Variants in MCEMP1 observed in about 807,000 individuals in gnomAD.
The protein encoded by MCEMP1 is mast cell expressed membrane protein 1, also known as mast cell-expressed membrane protein 1.
In MCEMP1, 17 loss-of-function variants were observed where a neutral mutation model predicts 27.9. The observed-to-expected ratio is 0.61, with a 90% confidence interval of 0.42 to 0.91. The LOEUF (loss-of-function observed/expected upper bound fraction) is 0.91. MCEMP1 is among the 40% of genes least tolerant of loss of function. The pLI, the probability that MCEMP1 is intolerant of heterozygous loss-of-function variation, is 0.00. For missense variants in MCEMP1, 200 were observed against 204.8 expected, an observed-to-expected ratio of 0.98 and a Z score of 0.14; for synonymous variants, 88 against 76.9, an observed-to-expected ratio of 1.14 and a Z score of -0.76.
Position 7,678,897 on chromosome 19 carries a change from T to TTGCCCCCCCCC in MCEMP1, c.449-27_449-26insTGCCCCCCCCC. The stretch of plus-strand genomic sequence containing the variant: ...CTCCACCGCAGCTTGACTTATCTGT[T>TTGCCCCCCCCC]CCCACCCAACCCTCCCCGCCCCCTA... On this transcript the variant is annotated intron_variant, in intron 5 of 6. Coordinates refer to ENST00000333598, the MANE Select transcript of MCEMP1 (RefSeq NM_174918.3). This position sits in a 1 kb window ranked among gnomAD's most constrained non-coding sequence, Gnocchi z 4.8. 1 of 993,960 alleles carries TTGCCCCCCCCC rather than the reference T, an allele frequency of 1.0e-6. No homozygotes were observed. Among genetic ancestry groups the TTGCCCCCCCCC allele is most frequent in the Non-Finnish European group, 1.6e-6 (1 of 644,790 alleles). The allele number at this position is 993,960 out of a possible 1,614,324, so 61.6% of individuals were successfully genotyped here.
In MCEMP1 at chr19:7,678,772, A is replaced by G. The variant is rs961242152; in HGVS notation, c.449-152A>G. 2.8e-6 allele frequency: 3 copies of G among 1,085,480 alleles called. No individual in the cohort carries two copies. The African/African-American group carries it at 4.8e-5, about 17-fold the overall frequency. The allele number at this position is 1,085,480 out of a possible 1,614,324, so 67.2% of individuals were successfully genotyped here. A position where few individuals can be genotyped will look rare whatever the true frequency, so the allele number is the denominator to read the frequency against. On this transcript the variant is annotated intron_variant, in intron 5 of 6. Transcript: ENST00000333598. This position sits in a 1 kb window ranked among gnomAD's most constrained non-coding sequence, Gnocchi z 4.8. ...ATCTGGGTTGCTCTGTGGGTATTGA[A>G]AGGCTCCTGGGAACCCCAAATCCAT...
rs769652201 is a variant in MCEMP1, at chr19:7,678,591, G to C, written c.435G>C (p.Glu145Asp). The change falls in exon 5 of 7, where the codon GAG (glutamate) becomes GAC (aspartate). Residue 145 changes from glutamate (E) to aspartate (D), a missense_variant. Physicochemically the swap from Glu to Asp is conservative, Grantham distance 45 (BLOSUM62 2). Coordinates refer to ENST00000333598, the MANE Select transcript of MCEMP1 (RefSeq NM_174918.3). This position sits in a 1 kb window ranked among gnomAD's most constrained non-coding sequence, Gnocchi z 4.8. ...TMVRSKIDRL[E>D]TTLAGIKNID... ...TCAGGAGCAAGATTGATAGATTAGA[G>C]ACGACATTAGCAGGTGCCTGTGTAG... The C allele has an allele frequency of 2.5e-6, 4 of 1,613,608 alleles. No individual in the cohort carries two copies. In the Admixed American group the frequency reaches 6.7e-5, roughly 27 times the overall value.
In MCEMP1 at chr19:7,677,575, A is replaced by G; in HGVS notation, c.56-62A>G. Reference sequence around the variant, plus strand: ...TATTGAGTGCAAAGGGTTGGGTAAAACAAGATCCCGGATCCACTCTCCACA... The same window carrying G: ...TATTGAGTGCAAAGGGTTGGGTAAAGCAAGATCCCGGATCCACTCTCCACA... On this transcript the variant is annotated intron_variant, in intron 1 of 6. Coordinates refer to ENST00000333598, the MANE Select transcript of MCEMP1 (RefSeq NM_174918.3). The surrounding 1 kb of genome is among the most constrained non-coding windows in gnomAD (Gnocchi z 4.6). 4 of 1,478,274 alleles carry G rather than the reference A, an allele frequency of 2.7e-6. No homozygotes were observed. Among genetic ancestry groups the G allele is most frequent in the Middle Eastern group, 1.7e-4 (1 of 5,812 alleles). The allele number at this position is 1,478,274 out of a possible 1,614,324, so 91.6% of individuals were successfully genotyped here.
rs192927372 is a variant in MCEMP1, at chr19:7,679,480, G to A, written c.*366G>A. 2.4e-4 allele frequency: 63 copies of A among 266,196 alleles called. No homozygotes were observed. Among genetic ancestry groups the A allele is most frequent in the African/African-American group, 1.2e-3 (54 of 45,070 alleles). The allele number at this position is 266,196 out of a possible 1,614,324, so 16.5% of individuals were successfully genotyped here. A position where few individuals can be genotyped will look rare whatever the true frequency, so the allele number is the denominator to read the frequency against. On this transcript the variant is annotated 3_prime_UTR_variant, in exon 7 of 7. Coordinates refer to ENST00000333598, the MANE Select transcript of MCEMP1 (RefSeq NM_174918.3). This position sits in a 1 kb window ranked among gnomAD's most constrained non-coding sequence, Gnocchi z 4.9. ...GTGTCATGTGACATATGTGAGTCTCGGCATGTCACGGTGGGTGGCTGTGTC... is the reference window on the plus strand; with the variant it reads ...GTGTCATGTGACATATGTGAGTCTCAGCATGTCACGGTGGGTGGCTGTGTC...
Position 7,679,130 on chromosome 19 carries a change from G to A in MCEMP1, c.*16G>A, listed in dbSNP as rs2032590601. The A allele has an allele frequency of 6.3e-7, 1 of 1,588,550 alleles. No individual in the cohort carries two copies. The highest frequency in any genetic ancestry group is 2.3e-5 in the East Asian group (1 of 44,288). ...ACCTCAATAAATGAGAGGACATTGT[G>A]GCAGCCAAAGCCACAACTTGGAAGA... On this transcript the variant is annotated 3_prime_UTR_variant, in exon 7 of 7. Coordinates refer to ENST00000333598, the MANE Select transcript of MCEMP1 (RefSeq NM_174918.3). The surrounding 1 kb of genome is among the most constrained non-coding windows in gnomAD (Gnocchi z 4.9).
chr19:7,677,811 G>A lies in MCEMP1; in HGVS notation c.145+85G>A. The A allele has an allele frequency of 7.7e-7, 1 of 1,299,704 alleles. No individual in the cohort carries two copies. The highest frequency in any genetic ancestry group is 2.5e-5 in the Admixed American group (1 of 40,174). 80.5% of individuals were successfully genotyped at this position (1,299,704 alleles called of 1,614,324 possible). A position where few individuals can be genotyped will look rare whatever the true frequency, so the allele number is the denominator to read the frequency against. On this transcript the variant is annotated intron_variant, in intron 2 of 6. Transcript: ENST00000333598. The surrounding 1 kb of genome is among the most constrained non-coding windows in gnomAD (Gnocchi z 4.6). ...AACTGCAGGGCCCCCGGGGCTGCGTGGAAGGGAGGAAGCGATGGGGAAGGA... is the reference window on the plus strand; with the variant it reads ...AACTGCAGGGCCCCCGGGGCTGCGTAGAAGGGAGGAAGCGATGGGGAAGGA...
Position 7,678,078 on chromosome 19 carries a change from G to A in MCEMP1, c.146-26G>A. On this transcript the variant is annotated intron_variant, in intron 2 of 6. Transcript: ENST00000333598. This position sits in a 1 kb window ranked among gnomAD's most constrained non-coding sequence, Gnocchi z 4.8. ...TGAGTGGTGGTGCTGGCCCCTCAAGGTCACTTTGCTGCCTCTTTGCTCCAG... is the reference window on the plus strand; with the variant it reads ...TGAGTGGTGGTGCTGGCCCCTCAAGATCACTTTGCTGCCTCTTTGCTCCAG... 1 of 1,568,326 alleles carries A rather than the reference G, an allele frequency of 6.4e-7. No individual in the cohort carries two copies. Among genetic ancestry groups the A allele is most frequent in the Non-Finnish European group, 8.6e-7 (1 of 1,160,186 alleles).
chr19:7,678,230 T>G lies in MCEMP1; in HGVS notation c.272T>G (p.Ile91Ser). Reference sequence around the variant, plus strand: ...CTCTGCATCATCCTGTCAGCCTTCATCATGGTGAAGAGTGAGTACTTCTTG... The same window carrying G: ...CTCTGCATCATCCTGTCAGCCTTCAGCATGGTGAAGAGTGAGTACTTCTTG... ...FVLCIILSAF[I>S]MVKNAEMSKE... The change falls in exon 3 of 7, where the codon ATC becomes AGC. Residue 91 changes from isoleucine to serine, a missense_variant. By Grantham distance (142) the Ile-to-Ser change is moderately radical. Transcript: ENST00000333598. The surrounding 1 kb of genome is among the most constrained non-coding windows in gnomAD (Gnocchi z 4.8). 6.2e-7 allele frequency: 1 copy of G among 1,614,062 alleles called. No individual in the cohort carries two copies. The highest frequency in any genetic ancestry group is 2.2e-5 in the East Asian group (1 of 44,882).
At position 7,678,634 on chromosome 19, in the gene MCEMP1, G is replaced by T. The variant is rs936648983; in HGVS notation, c.448+30G>T. The stretch of plus-strand genomic sequence containing the variant: ...CTGTGTAGTCTCGCCTTCTATGGGG[G>T]TTATTTGTCACCAATGCCCGGAGCT... On this transcript the variant is annotated intron_variant, in intron 5 of 6. Transcript: ENST00000333598. The surrounding 1 kb of genome is among the most constrained non-coding windows in gnomAD (Gnocchi z 4.8). The T allele has an allele frequency of 1.7e-4, 271 of 1,578,298 alleles. No individual in the cohort carries two copies. The highest frequency in any genetic ancestry group is 9.5e-4 in the Admixed American group (56 of 59,000).
Position 7,678,599 on chromosome 19 carries a change from T to C in MCEMP1, c.443T>C (p.Leu148Ser), listed in dbSNP as rs752831986. ...RSKIDRLETT[L>S]AGIKNIDTKV... The stretch of plus-strand genomic sequence containing the variant: ...AAGATTGATAGATTAGAGACGACAT[T>C]AGCAGGTGCCTGTGTAGTCTCGCCT... The change falls in exon 5 of 7, where the codon TTA becomes TCA. Residue 148 changes from leucine (L) to serine (S), a missense_variant. Transcript: ENST00000333598. This position sits in a 1 kb window ranked among gnomAD's most constrained non-coding sequence, Gnocchi z 4.8. 1.2e-6 allele frequency: 2 copies of C among 1,612,508 alleles called. No individual in the cohort carries two copies. Among genetic ancestry groups the C allele is most frequent in the South Asian group, 2.2e-5 (2 of 91,042 alleles).
rs369386747 is a variant in MCEMP1 at position 7,678,441 on chromosome 19, G to A, written c.334+41G>A. 3.9e-4 allele frequency: 629 copies of A among 1,613,958 alleles called. 8 individuals carry two copies. In the South Asian group the frequency reaches 6.3e-3, roughly 16 times the overall value. On this transcript the variant is annotated intron_variant, in intron 4 of 6. Transcript: ENST00000333598. This position sits in a 1 kb window ranked among gnomAD's most constrained non-coding sequence, Gnocchi z 4.8. ...GAGGGAGACCCGTGGGGTCATGGTG[G>A]GGGTCTGGAGAGGGATGGATGCACA...
chr19:7,677,249 G>A lies in MCEMP1; in HGVS notation c.55+74G>A, dbSNP rs1318701142. 1.0e-5 allele frequency: 14 copies of A among 1,357,230 alleles called. No homozygotes were observed. The highest frequency in any genetic ancestry group is 1.3e-5 in the Non-Finnish European group (13 of 973,334). The allele number at this position is 1,357,230 out of a possible 1,614,324, so 84.1% of individuals were successfully genotyped here. ...GGGCCGGGGGCTTTTGCTCATGTCT[G>A]TAATCCTAGCACTTTGGGAGGCTGA... On this transcript the variant is annotated intron_variant, in intron 1 of 6. Transcript: ENST00000333598. This position sits in a 1 kb window ranked among gnomAD's most constrained non-coding sequence, Gnocchi z 4.6.
rs1380733143 is a variant in MCEMP1 at position 7,678,682 on chromosome 19, G to A, written c.448+78G>A. The A allele has an allele frequency of 7.0e-7, 1 of 1,424,104 alleles. No homozygotes were observed. Among genetic ancestry groups the A allele is most frequent in the South Asian group, 1.2e-5 (1 of 83,720 alleles). The allele number at this position is 1,424,104 out of a possible 1,614,324, so 88.2% of individuals were successfully genotyped here. On this transcript the variant is annotated intron_variant, in intron 5 of 6. Coordinates refer to ENST00000333598, the MANE Select transcript of MCEMP1 (RefSeq NM_174918.3). This position sits in a 1 kb window ranked among gnomAD's most constrained non-coding sequence, Gnocchi z 4.8. ...GCTGAGCTGGGGGCAGGGGATTCAGGGGAGGAGAAAGCCGGGGTCCTACCC... is the reference window on the plus strand; with the variant it reads ...GCTGAGCTGGGGGCAGGGGATTCAGAGGAGGAGAAAGCCGGGGTCCTACCC...
chr19:7,678,375 G>A lies in MCEMP1; in HGVS notation c.309G>A (p.Leu103=). Residue 103 remains leucine (L), a synonymous_variant, in exon 4 of 7, where the codon CTG becomes CTA. Coordinates refer to ENST00000333598, the MANE Select transcript of MCEMP1 (RefSeq NM_174918.3). This position sits in a 1 kb window ranked among gnomAD's most constrained non-coding sequence, Gnocchi z 4.8. The stretch of plus-strand genomic sequence containing the variant: ...ATGCTGAGATGTCCAAGGAGCTGCT[G>A]GGCTTTAAAAGGGAGCTTTGGAATG... The part of the protein sequence containing the change: ...VKNAEMSKEL[L]GFKRELWNVS... 1.2e-6 allele frequency: 2 copies of A among 1,614,064 alleles called. No individual in the cohort carries two copies. The highest frequency in any genetic ancestry group is 1.1e-5 in the South Asian group (1 of 91,086).
chr19:7,678,523 C>G lies in MCEMP1; in HGVS notation c.367C>G (p.Gln123Glu), dbSNP rs750404151. The G allele has an allele frequency of 1.2e-6, 2 of 1,614,122 alleles. No homozygotes were observed. The highest frequency in any genetic ancestry group is 1.7e-6 in the Non-Finnish European group (2 of 1,180,026). ...CTCCGTACAAGCATGCGAAGAGAGA[C>G]AGAAGAGAGGCTGGGATTCCGTTCA... ...SNSVQACEER[Q>E]KRGWDSVQQS... The change falls in exon 5 of 7, where the codon CAG becomes GAG. Residue 123 changes from glutamine to glutamate, a missense_variant. Coordinates refer to ENST00000333598, the MANE Select transcript of MCEMP1 (RefSeq NM_174918.3). The surrounding 1 kb of genome is among the most constrained non-coding windows in gnomAD (Gnocchi z 4.8).
Position 7,678,156 on chromosome 19 carries a change from G to A in MCEMP1, c.198G>A (p.Leu66=), listed in dbSNP as rs1293518647. The change falls in exon 3 of 7, where the codon TTG becomes TTA. Residue 66 remains leucine (L), a synonymous_variant. Transcript: ENST00000333598. The surrounding 1 kb of genome is among the most constrained non-coding windows in gnomAD (Gnocchi z 4.8). ...ACTCCACCCAGGTCCCCTGCTGGTTGTACAGAGCCATCCTGAGCCTGTACA... is the reference window on the plus strand; with the variant it reads ...ACTCCACCCAGGTCCCCTGCTGGTTATACAGAGCCATCCTGAGCCTGTACA... ...PSDSTQVPCW[L]YRAILSLYIL... The A allele has an allele frequency of 3.1e-6, 5 of 1,613,854 alleles. No individual in the cohort carries two copies. Among genetic ancestry groups the A allele is most frequent in the Non-Finnish European group, 4.2e-6 (5 of 1,179,924 alleles).
Position 7,677,191 on chromosome 19 carries a change from G to A in MCEMP1, c.55+16G>A, listed in dbSNP as rs1285267591. 6 of 1,567,674 alleles carry A rather than the reference G, an allele frequency of 3.8e-6. 1 individual carries two copies. Among genetic ancestry groups the A allele is most frequent in the Non-Finnish European group, 5.2e-6 (6 of 1,154,524 alleles). ...AAGAATCAAGGTTAGGGAACTCGAG[G>A]TGGAAGGGAGGGGTTAAGAAGGAGA... On this transcript the variant is annotated intron_variant, in intron 1 of 6. Coordinates refer to ENST00000333598, the MANE Select transcript of MCEMP1 (RefSeq NM_174918.3). The surrounding 1 kb of genome is among the most constrained non-coding windows in gnomAD (Gnocchi z 4.6).
In MCEMP1 at chr19:7,678,044, A is replaced by G. The variant is rs1337251002; in HGVS notation, c.146-60A>G. On this transcript the variant is annotated intron_variant, in intron 2 of 6. Coordinates refer to ENST00000333598, the MANE Select transcript of MCEMP1 (RefSeq NM_174918.3). The surrounding 1 kb of genome is among the most constrained non-coding windows in gnomAD (Gnocchi z 4.8). Reference sequence around the variant, plus strand: ...GGTGTCCATGGTGTTAGAGACAGTGAGGATGGTTTGAGTGGTGGTGCTGGC... The same window carrying G: ...GGTGTCCATGGTGTTAGAGACAGTGGGGATGGTTTGAGTGGTGGTGCTGGC... 5.2e-6 allele frequency: 8 copies of G among 1,534,240 alleles called. No individual in the cohort carries two copies. Among genetic ancestry groups the G allele is most frequent in the African/African-American group, 1.4e-5 (1 of 72,256 alleles).
Position 7,678,298 on chromosome 19 carries a change from C to T in MCEMP1, c.284-52C>T. The T allele has an allele frequency of 6.5e-7, 1 of 1,549,224 alleles. No homozygotes were observed. The highest frequency in any genetic ancestry group is 8.8e-7 in the Non-Finnish European group (1 of 1,130,474). ...GGCCTAGACTTTCTCCCTTGTCCTT[C>T]TCTCTCTCTCTCCCTGGGTGCTTCA... On this transcript the variant is annotated intron_variant, in intron 3 of 6. Transcript: ENST00000333598. This position sits in a 1 kb window ranked among gnomAD's most constrained non-coding sequence, Gnocchi z 4.8.
Sources: gnomAD v4.1 joint callset for allele counts on GRCh38, gnomAD v4.1.1 for gene constraint, Gnocchi (gnomAD v3.1) non-coding constraint, MANE v1.5 for transcripts, NCBI Gene and HGNC (gene_info 2026-07-23, HGNC 2026-07-21) for gene names.